SCML2: variants seen among roughly 807,000 people sequenced by gnomAD.
SCML2 encodes Scm polycomb group protein like 2.
Under a neutral mutation model 48.4 loss-of-function variants are expected in SCML2, and 6 were observed. That is an observed-to-expected ratio of 0.12 (90% CI 0.07 to 0.24). The LOEUF (loss-of-function observed/expected upper bound fraction) is 0.24. SCML2 is among the 10% of genes least tolerant of loss of function. The pLI, the probability that SCML2 is intolerant of heterozygous loss-of-function variation, is 1.00. For synonymous variants in SCML2, 181 were observed against 189.5 expected (o/e 0.95, Z 0.37); for missense variants, 377 against 528.2 (o/e 0.71, Z 2.81).
At chrX:18,257,627 C>T (rs1483003031) in intron 10 of SCML2, among the ~76,000 whole-genome samples, 1 of 110,082 alleles carries the variant, frequency 9.1e-6, no homozygotes. Context: ...GTGGCTCACA[C>T]CTGTAATCCC....
intron 7 of SCML2, among the ~76,000 whole-genome samples, chrX:18,300,419 G>C (rs760889069): frequency 9.3e-6 from 1 of 107,188 alleles, no homozygotes; most frequent in South Asian, 4.1e-4. Context: ...AAAAGTTTGA[G>C]CCTTAGTCAG....
intron 3 of SCML2, among the ~76,000 whole-genome samples, chrX:18,328,282 G>T (rs1203928127): frequency 9.0e-6 from 1 of 111,427 alleles, no homozygotes; most frequent in African/African-American, 3.3e-5. Context: ...AGAGATAGAA[G>T]TTTCTCAGCT....
chrX:18,268,458 G>C (rs1185919441), intron 7 of SCML2, among the ~76,000 whole-genome samples: 1 of 109,968 alleles, frequency 9.1e-6, no homozygotes, highest in Non-Finnish European at 1.9e-5. Context: ...GAACCCGGGA[G>C]GCAGAGGTTG....
intron 7 of SCML2, among the ~76,000 whole-genome samples, chrX:18,281,067 C>A (rs1278638964): frequency 1.1e-5 from 1 of 92,343 alleles, no homozygotes. Context: ...CATCTGCACA[C>A]AGAACATATT....
At chrX:18,300,345 A>G (rs1385878285) in intron 7 of SCML2, among the ~76,000 whole-genome samples, 4 of 109,037 alleles carry the variant, frequency 3.7e-5, no homozygotes, top group Admixed American at 9.8e-5. Flanking sequence ...GGCTTTACTG[A>G]GCCAAGATCA....
At chrX:18,346,408 A>G (rs1930202255) in intron 1 of SCML2, among the ~76,000 whole-genome samples, 1 of 112,257 alleles carries the variant, frequency 8.9e-6, no homozygotes, top group African/African-American at 3.2e-5. Flanking sequence ...AGAAACAACA[A>G]GCCAAGTCCC....
At chrX:18,293,120 T>C (rs1207590926) in intron 7 of SCML2, among the ~76,000 whole-genome samples, 3 of 111,888 alleles carry the variant, frequency 2.7e-5, no homozygotes, top group Non-Finnish European at 5.7e-5. Context: ...ACTTTTTCTA[T>C]TAGAAGAAAA....
intron 7 of SCML2, among the ~76,000 whole-genome samples, chrX:18,298,931 A>G (rs1928487200): frequency 9.0e-6 from 1 of 111,615 alleles, no homozygotes; most frequent in Non-Finnish European, 1.9e-5. Context: ...GAAACTATAA[A>G]ACTATGAAAC....
intron 1 of SCML2, among the ~76,000 whole-genome samples, chrX:18,336,462 C>T (rs1602145386): frequency 2.1e-5 from 2 of 96,659 alleles, no homozygotes; most frequent in Admixed American, 1.2e-4. Flanking sequence ...AATGGCCAGG[C>T]ACGGTAGCTC....
At chrX:18,352,901 T>C (rs1406191331) in intron 1 of SCML2, among the ~76,000 whole-genome samples, 1 of 112,061 alleles carries the variant, frequency 8.9e-6, no homozygotes, top group Admixed American at 9.5e-5. Context: ...GGTAAACAAG[T>C]ATACATCCTT....
chrX:18,258,677 A>C (rs1025389614), intron 9 of SCML2, among the ~76,000 whole-genome samples: 7 of 111,062 alleles, frequency 6.3e-5, no homozygotes, highest in Admixed American at 5.8e-4. Context: ...GACTGAATTT[A>C]TTTTAAATCA....
intron 6 of SCML2, among the ~76,000 whole-genome samples, chrX:18,314,959 G>T (rs1230675491): frequency 9.1e-6 from 1 of 109,387 alleles, no homozygotes; most frequent in Non-Finnish European, 1.9e-5. Context: ...GGGCGTGGTG[G>T]CAGGTGCCTG....
chrX:18,253,902 C>T (rs1466055486), intron 11 of SCML2, among the ~76,000 whole-genome samples: 2 of 111,585 alleles, frequency 1.8e-5, no homozygotes, highest in Non-Finnish European at 1.9e-5. Context: ...AAGCTAGGCA[C>T]AAGAGTAAAT....
At chrX:18,258,900 C>A (rs1341785065) in intron 9 of SCML2, among the ~76,000 whole-genome samples, 1 of 111,256 alleles carries the variant, frequency 9.0e-6, no homozygotes, top group Non-Finnish European at 1.9e-5. Flanking sequence ...CATCTATAAT[C>A]ACATAAATGC....
chrX:18,268,248 G>A, intron 7 of SCML2, among the ~76,000 whole-genome samples: 1 of 112,460 alleles, frequency 8.9e-6, no homozygotes, highest in Non-Finnish European at 1.9e-5. Flanking sequence ...CCATTTCTCT[G>A]GCTGGGCGCA....
intron 1 of SCML2, among the ~76,000 whole-genome samples, chrX:18,342,001 T>C (rs965266226): frequency 8.9e-6 from 1 of 111,908 alleles, no homozygotes. Flanking sequence ...TAGAAAAATA[T>C]GGTGGCAATA....
intron 6 of SCML2, among the ~76,000 whole-genome samples, chrX:18,319,694 T>C (rs1423476433): frequency 2.7e-5 from 3 of 111,502 alleles, no homozygotes. Context: ...ATTTAAGCTA[T>C]TGTTACGAAT....
chrX:18,293,820 T>C (rs904743707), intron 7 of SCML2, among the ~76,000 whole-genome samples: 2 of 112,156 alleles, frequency 1.8e-5, no homozygotes, highest in African/African-American at 6.5e-5. Context: ...ACAGCAATAA[T>C]GGAAACCAAA....
At chrX:18,328,050 T>C (rs746260521) in intron 3 of SCML2, among the ~76,000 whole-genome samples, 2 of 111,788 alleles carry the variant, frequency 1.8e-5, no homozygotes, top group South Asian at 7.5e-4. Context: ...TATGATTTTA[T>C]ATATATATCT....
Sources: gnomAD v4.1 joint callset for allele counts (sites outside exome capture counted in the v4.1 genomes callset) on GRCh38, gnomAD v4.1.1 for gene constraint, MANE v1.5 for transcripts, NCBI Gene and HGNC (gene_info 2026-07-23, HGNC 2026-07-21) for gene names.